RBFOX1: variants seen among roughly 807,000 people sequenced by gnomAD.
RBFOX1 encodes the protein RNA binding fox-1 homolog 1.
A neutral mutation model predicts 57.7 loss-of-function variants in RBFOX1; 8 were observed. The ratio of observed to expected loss-of-function variants is 0.14; its 90% CI spans 0.08 to 0.25. The LOEUF is 0.25. RBFOX1 is among the 10% of genes least tolerant of loss of function. RBFOX1 has a pLI of 1.00. For missense variants in RBFOX1, 611 were observed against 548.5 expected, an observed-to-expected ratio of 1.11 and a Z score of -1.14; for synonymous variants, 326 against 222.4, an observed-to-expected ratio of 1.47 and a Z score of -4.15.
chr16:5,433,282 C>T (rs1448762222), intron 1 of RBFOX1, among the ~76,000 whole-genome samples: 1 of 152,160 alleles, frequency 6.6e-6, no homozygotes, highest in Non-Finnish European at 1.5e-5. Context: ...TGACTGCAGG[C>T]CTGTCTCTTG....
chr16:5,896,764 T>C lies in RBFOX1; in HGVS notation c.351+29429T>C, dbSNP rs138396429. ...GTTTCCATTTGGAGAAGAGGAGATA[T>C]GAGCTGTATCAGCCAACACTTTAGT... On this transcript the variant is annotated intron_variant, in intron 4 of 19. Coordinates refer to the RBFOX1 transcript ENST00000641259. Among the ~76,000 whole-genome samples, 1,184 of 152,204 alleles carry C rather than the reference T, an allele frequency of 7.8e-3. 17 individuals are homozygous for C. Among genetic ancestry groups the C allele is most frequent in the African/African-American group, 0.027 (1,119 of 41,526 alleles).
At chr16:6,983,220 G>A (rs189680617) in intron 3 of RBFOX1, among the ~76,000 whole-genome samples, 67 of 152,050 alleles carry the variant, frequency 4.4e-4, no homozygotes, top group Non-Finnish European at 7.7e-4. Context: ...TCTGTCACCC[G>A]CTTTATCCTC....
rs1012633644 is a variant in RBFOX1 at position 5,642,824 on chromosome 16, A to G, written c.318+43863A>G. ...TCTTACCCAGGACTTGGTTACAGACATAATACTAGAGGCAAGGTGCTGCCT... is the reference window on the plus strand; with the variant it reads ...TCTTACCCAGGACTTGGTTACAGACGTAATACTAGAGGCAAGGTGCTGCCT... On this transcript the variant is annotated intron_variant, in intron 3 of 19. Transcript: ENST00000641259. 2.6e-5 allele frequency among the ~76,000 whole-genome samples: 4 copies of G among 152,300 alleles called. No individual in the cohort carries two copies. The South Asian group carries it at 8.3e-4, about 32-fold the overall frequency.
At chr16:6,871,438 A>G (rs183012108) in intron 3 of RBFOX1, among the ~76,000 whole-genome samples, 66 of 152,198 alleles carry the variant, frequency 4.3e-4, no homozygotes, top group African/African-American at 1.4e-3. Context: ...TGCTCACCTC[A>G]GCCTCCCAAA....
At chr16:5,381,425 A>G (rs1033146700) in intron 1 of RBFOX1, among the ~76,000 whole-genome samples, 1 of 152,194 alleles carries the variant, frequency 6.6e-6, no homozygotes. Flanking sequence ...TCACTTGGAG[A>G]TCTGGCTCAC....
chr16:7,215,880 G>A (rs936201178), intron 4 of RBFOX1, among the ~76,000 whole-genome samples: 1 of 151,778 alleles, frequency 6.6e-6, no homozygotes, highest in Non-Finnish European at 1.5e-5. Flanking sequence ...GTCTGCCACG[G>A]CACCCGGCTA....
chr16:6,183,711 G>C (rs1202575141), intron 1 of RBFOX1, among the ~76,000 whole-genome samples: 2 of 152,056 alleles, frequency 1.3e-5, no homozygotes, highest in African/African-American at 4.8e-5. Context: ...CCTGGCTGCA[G>C]ACTTCTTGTC....
rs147986870 is a variant in RBFOX1 at position 7,229,097 on chromosome 16, A to C, written c.27+176999A>C. On this transcript the variant is annotated intron_variant, in intron 4 of 15. Transcript: ENST00000550418. ...CAAGGAGAAATATAAAGAAGGGAGC[A>C]CTCTGAAAGGTCAGAACAAGTAGTC... 4.9e-3 allele frequency among the ~76,000 whole-genome samples: 745 copies of C among 152,322 alleles called. 4 individuals carry two copies. Among genetic ancestry groups the C allele is most frequent in the African/African-American group, 0.016 (680 of 41,576 alleles).
chr16:6,349,142 T>C (rs939653331), intron 2 of RBFOX1, among the ~76,000 whole-genome samples: 4 of 152,114 alleles, frequency 2.6e-5, no homozygotes, highest in African/African-American at 7.2e-5. Flanking sequence ...CTCTCTGAGG[T>C]TGAACCAAAC....
intron 4 of RBFOX1, among the ~76,000 whole-genome samples, chr16:7,335,870 TC>T (rs1366927409): frequency 6.6e-6 from 1 of 152,170 alleles, no homozygotes; most frequent in Non-Finnish European, 1.5e-5. Flanking sequence ...AGAGAGTTTT[TC>T]CCTCCAGCCA....
At chr16:6,725,996 C>G (rs930541180) in intron 3 of RBFOX1, among the ~76,000 whole-genome samples, 3 of 152,066 alleles carry the variant, frequency 2.0e-5, no homozygotes, top group Admixed American at 1.3e-4. Context: ...CTTTCATTAT[C>G]CTTTCAGCAT....
At chr16:7,065,131 G>C (rs1229052896) in intron 4 of RBFOX1, among the ~76,000 whole-genome samples, 1 of 152,192 alleles carries the variant, frequency 6.6e-6, no homozygotes, top group East Asian at 1.9e-4. Context: ...ATTCTGTATG[G>C]AGACGCATTT....
At chr16:7,505,892 A>G (rs1485685987) in intron 4 of RBFOX1, among the ~76,000 whole-genome samples, 1 of 152,134 alleles carries the variant, frequency 6.6e-6, no homozygotes, top group Non-Finnish European at 1.5e-5. Context: ...TTTGTTCAAG[A>G]GATAATTTTC....
intron 4 of RBFOX1, among the ~76,000 whole-genome samples, chr16:7,261,133 T>C (rs2094903425): frequency 6.6e-6 from 1 of 150,582 alleles, no homozygotes; most frequent in African/African-American, 2.5e-5. Context: ...AGGACACATA[T>C]CCAAAGAGCC....
intron 2 of RBFOX1, among the ~76,000 whole-genome samples, chr16:6,526,409 T>G (rs147517593): frequency 1.3e-5 from 2 of 152,292 alleles, no homozygotes; most frequent in African/African-American, 4.8e-5. Flanking sequence ...ATCAAGAGAT[T>G]CTGCAATTAT....
intron 4 of RBFOX1, among the ~76,000 whole-genome samples, chr16:7,076,768 T>G (rs1192072623): frequency 6.6e-6 from 1 of 152,202 alleles, no homozygotes; most frequent in Non-Finnish European, 1.5e-5. Context: ...ATGACCAGTT[T>G]AAACTTCCAT....
At chr16:5,851,239 A>G (rs949257427) in intron 3 of RBFOX1, among the ~76,000 whole-genome samples, 1 of 152,202 alleles carries the variant, frequency 6.6e-6, no homozygotes, top group Non-Finnish European at 1.5e-5. Context: ...GAAGGATATC[A>G]GTGTGCATTC....
At chr16:7,704,874 A>G (rs2081941149) in intron 14 of RBFOX1, among the ~76,000 whole-genome samples, 1 of 151,436 alleles carries the variant, frequency 6.6e-6, no homozygotes, top group Non-Finnish European at 1.5e-5. Flanking sequence ...AACATGGTGA[A>G]ATGTTGTCTA....
intron 4 of RBFOX1, among the ~76,000 whole-genome samples, chr16:7,372,981 G>A (rs915834480): frequency 1.3e-5 from 2 of 151,584 alleles, no homozygotes; most frequent in South Asian, 2.1e-4. Flanking sequence ...GCCCAGGCTG[G>A]AGTGCAGTGG....
Sources: allele counts gnomAD v4.1 joint callset (sites outside exome capture counted in the v4.1 genomes callset), GRCh38; gene constraint gnomAD v4.1.1; transcripts MANE v1.5; gene names NCBI Gene and HGNC (gene_info 2026-07-23, HGNC 2026-07-21).